The following PLBD2 variants were observed in gnomAD, a reference collection of about 807,000 sequenced individuals.
PLBD2 encodes the protein phospholipase B domain containing 2.
PLBD2 carries 51 observed loss-of-function variants against 68.3 expected under a neutral mutation model. The observed-to-expected ratio is 0.75, with a 90% confidence interval of 0.60 to 0.94. The LOEUF (loss-of-function observed/expected upper bound fraction) is 0.94, where lower values mean the gene tolerates loss of function less well. Ranked by LOEUF, PLBD2 falls within the 40% of genes least tolerant of loss-of-function variation. PLBD2 has a pLI of 0.00. For synonymous variants in PLBD2, 314 were observed against 339.3 expected (o/e 0.93, Z 0.82); for missense variants, 729 against 792.2 (o/e 0.92, Z 0.96).
intron 1 of PLBD2, among the ~76,000 whole-genome samples, chr12:113,365,588 C>T (rs112420807): frequency 0.013 from 1,956 of 152,128 alleles, 20 homozygotes; most frequent in South Asian, 0.037. Flanking sequence ...GCTGGGATTA[C>T]AGGCGTGAGC....
chr12:113,373,067 G>A (rs2136909591), intron 3 of PLBD2, among the ~76,000 whole-genome samples: 1 of 152,362 alleles, frequency 6.6e-6, no homozygotes, highest in East Asian at 1.9e-4. Flanking sequence ...TTGTTAGCAT[G>A]GTGTTTTGCT....
chr12:113,376,184 G>A lies in PLBD2; in HGVS notation c.859+1177G>A, dbSNP rs1166145098. 2.3e-5 allele frequency among the ~76,000 whole-genome samples: 3 copies of A among 130,964 alleles called. No individual in the cohort carries two copies. In the South Asian group the frequency reaches 7.3e-4, roughly 32 times the overall value. 85.9% of individuals were successfully genotyped at this position (130,964 alleles called of 152,430 possible). A position where few individuals can be genotyped will look rare whatever the true frequency, so the allele number is the denominator to read the frequency against. The stretch of plus-strand genomic sequence containing the variant: ...CAGCATTTTTTTTTTTTTTTTTTGA[G>A]ACAGAGTCTTGTTCTGTTGCCTAAG... On this transcript the variant is annotated intron_variant, in intron 5 of 11. Transcript: ENST00000280800.
chr12:113,360,324 C>T (rs1273605527), intron 1 of PLBD2, among the ~76,000 whole-genome samples: 1 of 152,190 alleles, frequency 6.6e-6, no homozygotes, highest in Admixed American at 6.5e-5. Context: ...TGCTGACTCA[C>T]TCATGTTTTT....
At chr12:113,360,287 G>A (rs1957279800) in intron 1 of PLBD2, among the ~76,000 whole-genome samples, 1 of 152,166 alleles carries the variant, frequency 6.6e-6, no homozygotes, top group African/African-American at 2.4e-5. Flanking sequence ...GGGCTGCCGG[G>A]ACTCTTGGAT....
intron 1 of PLBD2, among the ~76,000 whole-genome samples, chr12:113,364,713 C>T (rs1014308317): frequency 1.3e-5 from 2 of 152,154 alleles, no homozygotes; most frequent in African/African-American, 4.8e-5. Context: ...CCTCCCACCT[C>T]AGCCTCCCAA....
Position 113,372,725 on chromosome 12 carries a change from G to T in PLBD2, c.461G>T (p.Arg154Met). The change falls in exon 3 of 12, where the codon AGG (arginine) becomes ATG (methionine). Residue 154 changes from arginine (R) to methionine (M), a missense_variant. Coordinates refer to ENST00000280800, the MANE Select transcript of PLBD2 (RefSeq NM_173542.4). This position sits in a 1 kb window ranked among gnomAD's most constrained non-coding sequence, Gnocchi z 4.2. The stretch of plus-strand genomic sequence containing the variant: ...GAGTATGAAGTCGGCTACTGCGAGA[G>T]GCTGAAGAGCTTCCTGGAGGCCAAC... Reference protein sequence around the residue: ...PFEYEVGYCERLKSFLEANLE... With the variant: ...PFEYEVGYCEMLKSFLEANLE... 1 of 1,614,146 alleles carries T rather than the reference G, an allele frequency of 6.2e-7. No individual in the cohort carries two copies. The highest frequency in any genetic ancestry group is 8.5e-7 in the Non-Finnish European group (1 of 1,180,020).
In PLBD2 at chr12:113,358,789, G is replaced by A. The variant is rs778977304; in HGVS notation, c.189G>A (p.Ser63=). 180 of 1,461,604 alleles carry A rather than the reference G, an allele frequency of 1.2e-4. 1 individual carries two copies. In the Middle Eastern group the frequency reaches 1.7e-3, roughly 14 times the overall value. The allele number at this position is 1,461,604 out of a possible 1,614,324, so 90.5% of individuals were successfully genotyped here. A position where few individuals can be genotyped will look rare whatever the true frequency, so the allele number is the denominator to read the frequency against. Residue 63 remains serine, a synonymous_variant, in exon 1 of 12, where the codon TCG becomes TCA. Coordinates refer to ENST00000280800, the MANE Select transcript of PLBD2 (RefSeq NM_173542.4). ...GQVPPASRSR[S]VLLDVSAGQL... is the part of the protein sequence containing the mutation. ...TCCCTCCAGCCTCCCGCAGCCGCTC[G>A]GTGCTCCTGGACGTCTCGGCGGGCC...
chr12:113,362,871 G>A (rs1247233947), intron 1 of PLBD2, among the ~76,000 whole-genome samples: 2 of 151,122 alleles, frequency 1.3e-5, no homozygotes, highest in African/African-American at 2.4e-5. Context: ...TGCAACCTCC[G>A]CCTCCTGGGT....
intron 1 of PLBD2, among the ~76,000 whole-genome samples, chr12:113,367,293 T>C (rs1211922415): frequency 6.6e-6 from 1 of 152,200 alleles, no homozygotes; most frequent in Admixed American, 6.5e-5. Context: ...ATTGGAAGCA[T>C]GTTGGAACTT....
rs1228584804 is a variant in PLBD2, at chr12:113,388,924, G to GC, written c.*302dup. On this transcript the variant is annotated 3_prime_UTR_variant, in exon 12 of 12. Coordinates refer to ENST00000280800, the MANE Select transcript of PLBD2 (RefSeq NM_173542.4). ...TCTCAACCTCATTCCCACCTCTGGG[G>GC]CCCCTTCCTCGTGCTTCTCCTTCCT... 3.9e-6 allele frequency: 1 copy of GC among 259,412 alleles called. No individual in the cohort carries two copies. The allele number at this position is 259,412 out of a possible 1,614,324, so 16.1% of individuals were successfully genotyped here.
intron 5 of PLBD2, among the ~76,000 whole-genome samples, chr12:113,377,827 A>G (rs1177794413): frequency 6.6e-6 from 1 of 152,212 alleles, no homozygotes; most frequent in Non-Finnish European, 1.5e-5. Context: ...TCATTGCTAT[A>G]TATCCATTAA....
chr12:113,375,338 G>A (rs1469082707), intron 5 of PLBD2, among the ~76,000 whole-genome samples: 1 of 152,058 alleles, frequency 6.6e-6, no homozygotes, highest in Non-Finnish European at 1.5e-5. Context: ...ATTTTTAAGA[G>A]ATGGAGTCTC....
intron 1 of PLBD2, among the ~76,000 whole-genome samples, chr12:113,368,402 G>A (rs985829515): frequency 6.6e-6 from 1 of 152,240 alleles, no homozygotes; most frequent in Non-Finnish European, 1.5e-5. Context: ...CAGACCTGGT[G>A]TGCTTGTGTG....
At chr12:113,373,658 A>G (rs1210271309) in intron 3 of PLBD2, among the ~76,000 whole-genome samples, 1 of 150,572 alleles carries the variant, frequency 6.6e-6, no homozygotes, top group Non-Finnish European at 1.5e-5. Flanking sequence ...TCACTCATCC[A>G]TCCGTTCATT....
rs777602611 is a variant in PLBD2, at chr12:113,386,931, C to T, written c.1287-6C>T. Reference sequence around the variant, plus strand: ...GGTCATGGGTGACCATCCTTGTCCCCGGCAGGTCCTTCGAGACTGTGTTCA... The same window carrying T: ...GGTCATGGGTGACCATCCTTGTCCCTGGCAGGTCCTTCGAGACTGTGTTCA... On this transcript the variant is annotated splice_region_variant and splice_polypyrimidine_tract_variant and intron_variant, in intron 9 of 11. Transcript: ENST00000280800. 1.9e-5 allele frequency: 31 copies of T among 1,612,616 alleles called. 2 individuals carry two copies. Among genetic ancestry groups the T allele is most frequent in the South Asian group, 1.9e-4 (17 of 90,738 alleles).
At chr12:113,377,829 A>G (rs925091429) in intron 5 of PLBD2, among the ~76,000 whole-genome samples, 17 of 152,186 alleles carry the variant, frequency 1.1e-4, no homozygotes, top group African/African-American at 3.9e-4. Flanking sequence ...ATTGCTATAT[A>G]TCCATTAAAA....
chr12:113,363,279 A>C (rs1957312008), intron 1 of PLBD2, among the ~76,000 whole-genome samples: 1 of 152,208 alleles, frequency 6.6e-6, no homozygotes, highest in Non-Finnish European at 1.5e-5. Flanking sequence ...TGCAAAAAAT[A>C]TAAAAAACTA....
chr12:113,385,406 T>G (rs1957541913), intron 9 of PLBD2, 123 bp downstream of exon 9: 1 of 918,614 alleles, frequency 1.1e-6, no homozygotes, highest in African/African-American at 1.6e-5. Flanking sequence ...TACCCCCTTT[T>G]CTGGCCAGGA....
chr12:113,375,029 T>TG, intron 5 of PLBD2, 22 bp downstream of exon 5: 1 of 1,610,868 alleles, frequency 6.2e-7, no homozygotes. Context: ...TGGGTGTGTC[T>TG]GGGGGATGAG....
Sources: allele counts gnomAD v4.1 joint callset (sites outside exome capture counted in the v4.1 genomes callset), GRCh38; gene constraint gnomAD v4.1.1; non-coding constraint Gnocchi (gnomAD v3.1); transcripts MANE v1.5; gene names NCBI Gene and HGNC (gene_info 2026-07-23, HGNC 2026-07-21).